AZIN2: variants seen among roughly 807,000 people sequenced by gnomAD.
AZIN2 encodes antizyme inhibitor 2, also known as ODC antizyme inhibitor-2.
AZIN2 carries 28 observed loss-of-function variants against 47.8 expected under a neutral mutation model. The observed-to-expected ratio is 0.59, with a 90% CI of 0.43 to 0.80. The LOEUF (loss-of-function observed/expected upper bound fraction) is 0.80. Ranked by LOEUF, AZIN2 falls within the 30% of genes least tolerant of loss-of-function variation. The pLI is 0.00. For missense variants in AZIN2, 535 were observed against 582.5 expected (o/e 0.92, Z 0.84); for synonymous variants, 221 against 239.4 (o/e 0.92, Z 0.71).
In AZIN2 at chr1:33,120,213, C is replaced by T. The variant is rs185080123; in HGVS notation, c.*31C>T. On this transcript the variant is annotated 3_prime_UTR_variant, in exon 12 of 12. Coordinates refer to ENST00000294517, the MANE Select transcript of AZIN2 (RefSeq NM_052998.4). Reference sequence around the variant, plus strand: ...CCTCGTTCCCCCCGGAGAATCCCAGCGGGGCCTCAGAGATGCATCTGGGAG... The same window carrying T: ...CCTCGTTCCCCCCGGAGAATCCCAGTGGGGCCTCAGAGATGCATCTGGGAG... 1,635 of 1,574,518 alleles carry T rather than the reference C, an allele frequency of 1.0e-3. 2 individuals are homozygous for T. The highest frequency in any genetic ancestry group is 1.4e-3 in the Admixed American group (82 of 58,134).
At chr1:33,102,899 AGC>A (rs1643813238) in intron 10 of AZIN2, among the ~76,000 whole-genome samples, 4 of 152,210 alleles carry the variant, frequency 2.6e-5, no homozygotes, top group African/African-American at 9.7e-5. Context: ...CTCACTAAAT[AGC>A]ACTGCCACTA....
chr1:33,152,052 A>T, the AZIN2 span, among the ~76,000 whole-genome samples: 1 of 152,222 alleles, frequency 6.6e-6, no homozygotes, highest in Non-Finnish European at 1.5e-5. Context: ...GTGCAAAAAC[A>T]TTCTCACACT....
At chr1:33,136,573 T>C in the AZIN2 span, among the ~76,000 whole-genome samples, 2 of 150,970 alleles carry the variant, frequency 1.3e-5, no homozygotes, top group African/African-American at 4.9e-5. Flanking sequence ...TTTCGCCATG[T>C]TGGGCAGGCT....
chr1:33,103,354 C>G (rs912589954), intron 10 of AZIN2, among the ~76,000 whole-genome samples: 1 of 152,118 alleles, frequency 6.6e-6, no homozygotes, highest in Non-Finnish European at 1.5e-5. Context: ...CCATTCCTCT[C>G]CTTTCTGTTT....
chr1:33,150,350 A>G, the AZIN2 span, among the ~76,000 whole-genome samples: 2 of 152,244 alleles, frequency 1.3e-5, no homozygotes, highest in Non-Finnish European at 2.9e-5. Flanking sequence ...AGATGCCTCA[A>G]TGATGGGGAC....
intron 5 of AZIN2, among the ~76,000 whole-genome samples, chr1:33,087,321 T>A (rs909771974): frequency 2.7e-4 from 41 of 151,354 alleles, no homozygotes; most frequent in African/African-American, 9.2e-4. Context: ...TTAATAGAGA[T>A]GGGGTTTCTC....
chr1:33,097,871 G>A (rs542092388), intron 9 of AZIN2, 196 bp from the exon 10 acceptor site: 37 of 590,854 alleles, frequency 6.3e-5, no homozygotes, highest in Non-Finnish European at 1.0e-4. Flanking sequence ...TGGCTGCAGG[G>A]GTGAGTGTTC....
intron 11 of AZIN2, 169 bp from the exon 12 acceptor site, chr1:33,119,875 C>G: frequency 1.3e-6 from 1 of 799,164 alleles, no homozygotes; most frequent in Non-Finnish European, 2.0e-6. Context: ...GTGGGGACCA[C>G]ACGGGAGTAG....
the AZIN2 span, among the ~76,000 whole-genome samples, chr1:33,144,193 A>G: frequency 6.7e-6 from 1 of 150,010 alleles, no homozygotes; most frequent in African/African-American, 2.4e-5. Flanking sequence ...CTGGAGTGCA[A>G]TGGCGCGATC....
intron 5 of AZIN2, 39 bp from the exon 6 acceptor site, chr1:33,092,011 C>T (rs1159046500): frequency 1.9e-6 from 3 of 1,599,006 alleles, no homozygotes; most frequent in Admixed American, 3.4e-5. Flanking sequence ...GGCTAGCAGG[C>T]CCTGGTGCCT....
chr1:33,101,733 C>G (rs1643714267), intron 10 of AZIN2: 1 of 651,248 alleles, frequency 1.5e-6, no homozygotes, highest in Non-Finnish European at 2.8e-6. Flanking sequence ...AAATCTATTC[C>G]TCGAGTGTAT....
chr1:33,129,274 T>A, the AZIN2 span, among the ~76,000 whole-genome samples: 19 of 152,276 alleles, frequency 1.2e-4, no homozygotes, highest in East Asian at 3.7e-3. The surrounding 1 kb of genome is among the most constrained non-coding windows in gnomAD (Gnocchi z 4.1). Flanking sequence ...GGTTGGGGGT[T>A]CATCATATCC....
chr1:33,130,473 G>C, the AZIN2 span, among the ~76,000 whole-genome samples: 2 of 152,188 alleles, frequency 1.3e-5, no homozygotes, highest in Admixed American at 6.5e-5. Context: ...GTAGGTCTAT[G>C]TGTCAAAGAA....
the AZIN2 span, chr1:33,147,521 G>C: frequency 6.2e-7 from 1 of 1,613,788 alleles, no homozygotes; most frequent in Non-Finnish European, 8.5e-7. This position sits in a 1 kb window ranked among gnomAD's most constrained non-coding sequence, Gnocchi z 8.1. Flanking sequence ...ATCACCCACT[G>C]GGTCTTCTCC....
At chr1:33,160,025 T>A in the AZIN2 span, 1 of 1,545,310 alleles carries the variant, frequency 6.5e-7, no homozygotes, top group Non-Finnish European at 8.7e-7. Flanking sequence ...ATCGAGAGCC[T>A]TGACACACAG....
chr1:33,107,908 G>A (rs997376636), intron 10 of AZIN2, among the ~76,000 whole-genome samples: 18 of 152,176 alleles, frequency 1.2e-4, no homozygotes, highest in Admixed American at 5.2e-4. Flanking sequence ...TACCCAAAGC[G>A]ATCCATAGAT....
At chr1:33,118,493 TG>T (rs1360953204) in intron 11 of AZIN2, 2 of 176,132 alleles carry the variant, frequency 1.1e-5, no homozygotes, top group African/African-American at 4.7e-5. Context: ...AAGGCTCGCA[TG>T]GAGAGTGGCT....
chr1:33,102,713 C>T (rs963000927), intron 10 of AZIN2, among the ~76,000 whole-genome samples: 2 of 152,184 alleles, frequency 1.3e-5, no homozygotes, highest in African/African-American at 4.8e-5. Context: ...GACTGAGGCT[C>T]TTAGTATCTT....
downstream of AZIN2, among the ~76,000 whole-genome samples, chr1:33,126,219 G>A (rs1644855538): frequency 6.6e-6 from 1 of 152,200 alleles, no homozygotes; most frequent in African/African-American, 2.4e-5. Context: ...ATTACTGAAT[G>A]AAGGAATGAA....
Sources: allele counts gnomAD v4.1 joint callset (sites outside exome capture counted in the v4.1 genomes callset), GRCh38; gene constraint gnomAD v4.1.1; non-coding constraint Gnocchi (gnomAD v3.1); transcripts MANE v1.5; gene names NCBI Gene and HGNC (gene_info 2026-07-23, HGNC 2026-07-21).